The following PRP4K variants were observed in gnomAD, a reference collection of about 807,000 sequenced individuals.
PRP4K encodes the protein serine/threonine-protein kinase PRP4 homolog.
At chr6:4,044,372 A>G in the PRP4K span, 1 of 194,580 alleles carries the variant, frequency 5.1e-6, no homozygotes, top group Non-Finnish European at 1.1e-5. Context: ...ATTAAATAAG[A>G]GGTTTCCACT....
the PRP4K span, chr6:4,048,934 T>C: frequency 2.4e-6 from 2 of 836,094 alleles, no homozygotes; most frequent in East Asian, 5.4e-5. Context: ...TTATATCTGG[T>C]GTTACCCTTT....
At chr6:4,052,899 G>C in the PRP4K span, 2 of 1,576,314 alleles carry the variant, frequency 1.3e-6, no homozygotes, top group Non-Finnish European at 1.7e-6. Context: ...AAGCTGCGCT[G>C]TACATCTTGA....
chr6:4,059,272 C>T, the PRP4K span, among the ~76,000 whole-genome samples: 1 of 152,316 alleles, frequency 6.6e-6, no homozygotes, highest in East Asian at 1.9e-4. Context: ...GAACCCCCAC[C>T]TTTCCACATT....
At chr6:4,031,615 A>G in the PRP4K span, 1 of 1,591,314 alleles carries the variant, frequency 6.3e-7, no homozygotes, top group South Asian at 1.2e-5. Context: ...GAAGTATCAG[A>G]AGACCAGTCT....
chr6:4,038,353 G>A, the PRP4K span, among the ~76,000 whole-genome samples: 2 of 151,592 alleles, frequency 1.3e-5, no homozygotes, highest in East Asian at 1.9e-4. Context: ...GTGCAATGGC[G>A]CGATCTCACT....
chr6:4,053,148 G>A, the PRP4K span, among the ~76,000 whole-genome samples: 3 of 152,116 alleles, frequency 2.0e-5, no homozygotes, highest in Admixed American at 6.6e-5. Flanking sequence ...ATGCTTTACT[G>A]TAGTAATGAG....
chr6:4,054,612 T>G, the PRP4K span, among the ~76,000 whole-genome samples: 1 of 152,184 alleles, frequency 6.6e-6, no homozygotes. Context: ...GTTCAAGCAT[T>G]TCTCCTGCCT....
the PRP4K span, among the ~76,000 whole-genome samples, chr6:4,035,284 A>ATTTTTTTTTTTTTTT: frequency 1.8e-3 from 104 of 58,798 alleles, 2 homozygotes; most frequent in Non-Finnish European, 2.1e-3. Context: ...CGCCCGGCTA[A>ATTTTTTTTTTTTTTT]TTTTTTTTTT....
the PRP4K span, among the ~76,000 whole-genome samples, chr6:4,039,549 G>A: frequency 2.6e-5 from 4 of 152,110 alleles, no homozygotes; most frequent in South Asian, 2.1e-4. Flanking sequence ...GGACTGTACC[G>A]AGTCTGGCTG....
chr6:4,048,088 C>A, the PRP4K span, among the ~76,000 whole-genome samples: 1 of 151,822 alleles, frequency 6.6e-6, no homozygotes. Context: ...AATAAAGAAT[C>A]ATCAGAAGGG....
At chr6:4,038,320 C>G in the PRP4K span, among the ~76,000 whole-genome samples, 1 of 151,866 alleles carries the variant, frequency 6.6e-6, no homozygotes, top group Non-Finnish European at 1.5e-5. Flanking sequence ...TTTTGACAGT[C>G]TCACTCTGTT....
the PRP4K span, among the ~76,000 whole-genome samples, chr6:4,050,896 G>GTTGTTTGT: frequency 2.6e-5 from 4 of 151,888 alleles, no homozygotes; most frequent in African/African-American, 9.7e-5. Context: ...TTTTTTTGTT[G>GTTGTTTGT]TTGTTTGTTT....
chr6:4,031,940 G>C, the PRP4K span: 1 of 1,614,066 alleles, frequency 6.2e-7, no homozygotes, highest in Non-Finnish European at 8.5e-7. Context: ...AAGGTTATGA[G>C]TCTGGCTCTG....
chr6:4,053,838 G>C, the PRP4K span, among the ~76,000 whole-genome samples: 1 of 152,106 alleles, frequency 6.6e-6, no homozygotes, highest in Non-Finnish European at 1.5e-5. Flanking sequence ...AGCGTGTAAG[G>C]TGTTCTTTAT....
the PRP4K span, among the ~76,000 whole-genome samples, chr6:4,039,108 C>T: frequency 1.6e-4 from 24 of 152,132 alleles, no homozygotes; most frequent in Admixed American, 3.3e-4. Flanking sequence ...TCCCAGATTC[C>T]TTTTGCTGCA....
chr6:4,049,453 G>T, the PRP4K span: 21 of 480,308 alleles, frequency 4.4e-5, no homozygotes, highest in Admixed American at 3.0e-4. Flanking sequence ...CAGTCATGCG[G>T]TATTTGTCAT....
chr6:4,047,943 CACAG>C, the PRP4K span, among the ~76,000 whole-genome samples: 23 of 131,868 alleles, frequency 1.7e-4, no homozygotes, highest in Admixed American at 3.1e-4. Flanking sequence ...CACACACACA[CACAG>C]AGCAATAGGA....
the PRP4K span, among the ~76,000 whole-genome samples, chr6:4,027,598 G>C: frequency 1.7e-5 from 2 of 116,872 alleles, no homozygotes; most frequent in Non-Finnish European, 3.7e-5. Flanking sequence ...TTGGCGGAGG[G>C]GTGGGGGGGT....
the PRP4K span, among the ~76,000 whole-genome samples, chr6:4,035,153 G>C: frequency 6.7e-6 from 1 of 149,396 alleles, no homozygotes; most frequent in Non-Finnish European, 1.5e-5. Context: ...GTCTCGCTCT[G>C]TCGCCCAGGC....
Sources: allele counts gnomAD v4.1 joint callset (sites outside exome capture counted in the v4.1 genomes callset), GRCh38; gene constraint gnomAD v4.1.1; transcripts MANE v1.5; gene names NCBI Gene and HGNC (gene_info 2026-07-23, HGNC 2026-07-21).